Variants in FAS observed in about 807,000 individuals in gnomAD.
FAS encodes Fas cell surface death receptor, also known as tumor necrosis factor receptor superfamily member 6.
Under a neutral mutation model 33.2 loss-of-function variants are expected in FAS, and 5 were observed. That is an observed-to-expected ratio of 0.15 (90% CI 0.08 to 0.32). The LOEUF (loss-of-function observed/expected upper bound fraction) is 0.32. Among genes scored for constraint, FAS ranks in the 10% least tolerant of loss-of-function variants. The pLI, the probability that FAS is intolerant of heterozygous loss-of-function variation, is 1.00. For synonymous variants in FAS, 131 were observed against 130.7 expected (o/e 1.00, Z -0.01); for missense variants, 339 against 386.0 (o/e 0.88, Z 1.02).
At chr10:88,995,379 C>G (rs1042935663) in intron 1 of FAS, among the ~76,000 whole-genome samples, 39 of 152,254 alleles carry the variant, frequency 2.6e-4, no homozygotes, top group Non-Finnish European at 8.8e-5. Context: ...GTGGTTCTTC[C>G]CTTTGATCAC....
At chr10:88,997,548 A>C (rs1847674663) in intron 1 of FAS, among the ~76,000 whole-genome samples, 1 of 152,170 alleles carries the variant, frequency 6.6e-6, no homozygotes, top group Non-Finnish European at 1.5e-5. Flanking sequence ...AAAACATACA[A>C]ATGAATGGGA....
At chr10:88,967,709 C>T (rs1201342017) in intron 1 of FAS, among the ~76,000 whole-genome samples, 1 of 152,116 alleles carries the variant, frequency 6.6e-6, no homozygotes, top group Non-Finnish European at 1.5e-5. Flanking sequence ...TACTGTAAGC[C>T]ATGTCTGGTA....
intron 8 of FAS, 81 bp from the exon 9 acceptor site, chr10:89,014,037 TA>T: frequency 7.1e-7 from 1 of 1,417,872 alleles, no homozygotes; most frequent in Non-Finnish European, 9.8e-7. Context: ...TGAAGTACTA[TA>T]AAAAGAGAAA....
At chr10:88,982,669 T>C (rs1020672903), upstream of FAS, among the ~76,000 whole-genome samples, 2 of 152,208 alleles carry the variant, frequency 1.3e-5, no homozygotes, top group Non-Finnish European at 2.9e-5. Flanking sequence ...AGTTTTTTTT[T>C]CTTTTTCTTG....
At chr10:88,988,398 T>C (rs1346904017), upstream of FAS, among the ~76,000 whole-genome samples, 2 of 149,164 alleles carry the variant, frequency 1.3e-5, no homozygotes, top group East Asian at 3.9e-4. Context: ...AAAGTCTTAG[T>C]GGTAAAAAGA....
Position 88,990,817 on chromosome 10 carries a change from T to A in FAS, c.-60T>A. 1 of 1,612,382 alleles carries A rather than the reference T, an allele frequency of 6.2e-7. No individual in the cohort carries two copies. Among genetic ancestry groups the A allele is most frequent in the Non-Finnish European group, 8.5e-7 (1 of 1,178,492 alleles). On this transcript the variant is annotated 5_prime_UTR_variant, in exon 1 of 9. Coordinates refer to ENST00000652046, the MANE Select transcript of FAS (RefSeq NM_000043.6). The surrounding 1 kb of genome is among the most constrained non-coding windows in gnomAD (Gnocchi z 4.9). ...AGCTGCCTCTTCTCCCGCGGGTTGGTGGACCCGCTCAGTACGGAGTTGGGG... is the reference window on the plus strand; with the variant it reads ...AGCTGCCTCTTCTCCCGCGGGTTGGAGGACCCGCTCAGTACGGAGTTGGGG...
At chr10:88,971,745 T>C (rs1846452051) in intron 1 of FAS, among the ~76,000 whole-genome samples, 1 of 152,150 alleles carries the variant, frequency 6.6e-6, no homozygotes, top group Non-Finnish European at 1.5e-5. Flanking sequence ...TTGTGCAATA[T>C]CCCTCTTTTT....
chr10:88,990,958 T>C lies in FAS; in HGVS notation c.30+52T>C, dbSNP rs1424833206. The C allele has an allele frequency of 1.9e-6, 3 of 1,612,846 alleles. No homozygotes were observed. The highest frequency in any genetic ancestry group is 1.7e-6 in the Non-Finnish European group (2 of 1,179,028). ...GCTTACCCCGTCTTAGTCCCGGGGA[T>C]AGGCAAAGTGGGGCGGGCGCGGGAC... On this transcript the variant is annotated intron_variant, in intron 1 of 8. Coordinates refer to ENST00000652046, the MANE Select transcript of FAS (RefSeq NM_000043.6). The surrounding 1 kb of genome is among the most constrained non-coding windows in gnomAD (Gnocchi z 4.9).
Position 89,016,915 on chromosome 10 carries a change from T to A in FAS, c.*2465T>A, listed in dbSNP as rs1848826864. On this transcript the variant is annotated 3_prime_UTR_variant, in exon 9 of 9. Coordinates refer to ENST00000652046, the MANE Select transcript of FAS (RefSeq NM_000043.6). The stretch of plus-strand genomic sequence containing the variant: ...TGAATCATCAGTTTCTGTACAACTA[T>A]CTGAATAAGGTATATAATCAATGAA... The A allele has an allele frequency of 1.0e-5, 2 of 192,416 alleles. No homozygotes were observed. The highest frequency in any genetic ancestry group is 4.6e-5 in the African/African-American group (2 of 43,034). 11.9% of individuals were successfully genotyped at this position (192,416 alleles called of 1,614,324 possible). A position where few individuals can be genotyped will look rare whatever the true frequency, so the allele number is the denominator to read the frequency against.
Position 88,990,971 on chromosome 10 carries a change from G to A in FAS, c.30+65G>A. The A allele has an allele frequency of 2.5e-6, 4 of 1,610,142 alleles. No homozygotes were observed. In the South Asian group the frequency reaches 4.4e-5, roughly 18 times the overall value. On this transcript the variant is annotated intron_variant, in intron 1 of 8. Coordinates refer to ENST00000652046, the MANE Select transcript of FAS (RefSeq NM_000043.6). The surrounding 1 kb of genome is among the most constrained non-coding windows in gnomAD (Gnocchi z 4.9). ...TAGTCCCGGGGATAGGCAAAGTGGG[G>A]CGGGCGCGGGACGCGTGCGGGATTG...
chr10:88,988,416 GTTTTTTTTT>G (rs748275082), upstream of FAS, among the ~76,000 whole-genome samples: 1 of 12,482 alleles, frequency 8.0e-5, no homozygotes. Flanking sequence ...AGATGTAGAA[GTTTTTTTTT>G]TTTTTTGTTT....
chr10:88,987,108 A>G (rs1417910892), upstream of FAS, among the ~76,000 whole-genome samples: 1 of 152,222 alleles, frequency 6.6e-6, no homozygotes, highest in Non-Finnish European at 1.5e-5. Flanking sequence ...AATAATTATT[A>G]ATAGACTTTG....
chr10:89,000,984 T>C (rs1379683454), intron 1 of FAS, among the ~76,000 whole-genome samples: 2 of 152,212 alleles, frequency 1.3e-5, no homozygotes, highest in Non-Finnish European at 2.9e-5. Flanking sequence ...AGGCAGAGGT[T>C]GTAGTGAGCC....
upstream of FAS, chr10:88,989,321 C>T (rs951721307): frequency 4.0e-5 from 13 of 324,152 alleles, no homozygotes; most frequent in Admixed American, 4.8e-4. Flanking sequence ...TTCCCTCACA[C>T]CCCTTTTCCT....
chr10:89,012,840 A>G (rs1848600061), intron 7 of FAS: 1 of 154,468 alleles, frequency 6.5e-6, no homozygotes, highest in Non-Finnish European at 1.4e-5. Context: ...TGGTATCAAT[A>G]TATTTCAGAT....
chr10:88,971,531 A>AG lies in FAS; in HGVS notation n.95-1650dup, dbSNP rs536797031. Among the ~76,000 whole-genome samples, 256 of 152,350 alleles carry AG rather than the reference A, an allele frequency of 1.7e-3. No homozygotes were observed. In the Middle Eastern group the frequency reaches 0.02, roughly 12 times the overall value. On this transcript the variant is annotated intron_variant and non_coding_transcript_variant, in intron 1 of 3. Transcript: ENST00000688239. ...CTCAAATCCCATCTGATACAGGTTT[A>AG]GATCCAGATTTTGTCATTTGACTAA...
rs533216598 is a variant in FAS at position 88,991,013 on chromosome 10, C to A, written c.30+107C>A. The stretch of plus-strand genomic sequence containing the variant: ...GCGGGATTGCGGCGGCAGCGGCGCA[C>A]GCGGGCACCTGGGAGCGGCGGGCTG... On this transcript the variant is annotated intron_variant, in intron 1 of 8. Coordinates refer to ENST00000652046, the MANE Select transcript of FAS (RefSeq NM_000043.6). 89 of 1,498,380 alleles carry A rather than the reference C, an allele frequency of 5.9e-5. No individual in the cohort carries two copies. The African/African-American group carries it at 1.1e-3, about 19-fold the overall frequency. The allele number at this position is 1,498,380 out of a possible 1,614,324, so 92.8% of individuals were successfully genotyped here.
At chr10:88,994,257 A>G (rs1328911361) in intron 1 of FAS, among the ~76,000 whole-genome samples, 1 of 152,184 alleles carries the variant, frequency 6.6e-6, no homozygotes, top group African/African-American at 2.4e-5. Flanking sequence ...TGAGAGAATA[A>G]CTGTTTCTTA....
intron 2 of FAS, among the ~76,000 whole-genome samples, chr10:88,976,214 A>G (rs1470845114): frequency 1.3e-5 from 2 of 152,346 alleles, no homozygotes; most frequent in South Asian, 4.1e-4. Context: ...TAAAAAAAAA[A>G]TCGCCAAAAA....
Sources: gnomAD v4.1 joint callset for allele counts (sites outside exome capture counted in the v4.1 genomes callset) on GRCh38, gnomAD v4.1.1 for gene constraint, Gnocchi (gnomAD v3.1) non-coding constraint, MANE v1.5 for transcripts, NCBI Gene and HGNC (gene_info 2026-07-23, HGNC 2026-07-21) for gene names.